The following OPCML variants were observed in gnomAD, a reference collection of about 807,000 sequenced individuals.
OPCML encodes opioid binding protein/cell adhesion molecule like, also known as opioid-binding protein/cell adhesion molecule.
In OPCML, 13 loss-of-function variants were observed where a neutral mutation model predicts 37.8. The observed-to-expected ratio is 0.34, with a 90% CI of 0.22 to 0.55. The LOEUF (loss-of-function observed/expected upper bound fraction) is 0.55. OPCML is among the 20% of genes least tolerant of loss of function. The pLI, the probability that OPCML is intolerant of heterozygous loss-of-function variation, is 0.91. For missense variants in OPCML, 341 were observed against 435.6 expected (o/e 0.78, Z 1.93); for synonymous variants, 176 against 168.8 (o/e 1.04, Z -0.33).
At chr11:133,530,876 G>A (rs1178878643) in intron 1 of OPCML, among the ~76,000 whole-genome samples, 1 of 152,028 alleles carries the variant, frequency 6.6e-6, no homozygotes, top group African/African-American at 2.4e-5. Context: ...GGCATCTTAG[G>A]ACTACTCAGG....
At chr11:133,387,877 G>A (rs10082587) in intron 1 of OPCML, among the ~76,000 whole-genome samples, 42,539 of 152,108 alleles carry the variant, frequency 0.28, 7,571 homozygotes, top group East Asian at 0.59. Flanking sequence ...AGGTTACTTC[G>A]GCAGAGAACT....
At chr11:133,133,774 G>A (rs548924919) in intron 1 of OPCML, among the ~76,000 whole-genome samples, 2 of 152,094 alleles carry the variant, frequency 1.3e-5, no homozygotes, top group South Asian at 2.1e-4. Context: ...TCCCATCCAC[G>A]AGTTGCCTGT....
At chr11:132,796,774 T>G (rs7129855) in intron 2 of OPCML, among the ~76,000 whole-genome samples, 56,794 of 151,636 alleles carry the variant, frequency 0.37, 10,755 homozygotes, top group Middle Eastern at 0.42. Flanking sequence ...GAGACGGGGT[T>G]TCACTGTATT....
intron 1 of OPCML, among the ~76,000 whole-genome samples, chr11:133,426,348 A>C (rs550640146): frequency 6.6e-6 from 1 of 152,266 alleles, no homozygotes; most frequent in African/African-American, 2.4e-5. Context: ...TTCTACAAAA[A>C]TGTTTATTGA....
At chr11:133,511,160 A>T (rs561684370) in intron 1 of OPCML, among the ~76,000 whole-genome samples, 1 of 152,304 alleles carries the variant, frequency 6.6e-6, no homozygotes, top group South Asian at 2.1e-4. Flanking sequence ...CTTCAGCTAC[A>T]GCCATAATCT....
chr11:132,776,410 T>A (rs1468718180), intron 2 of OPCML, among the ~76,000 whole-genome samples: 1 of 152,206 alleles, frequency 6.6e-6, no homozygotes, highest in African/African-American at 2.4e-5. Context: ...AAGTCTCACC[T>A]TGAAATGTGA....
At chr11:133,461,477 C>T (rs1395112495) in intron 1 of OPCML, among the ~76,000 whole-genome samples, 1 of 151,820 alleles carries the variant, frequency 6.6e-6, no homozygotes, top group Non-Finnish European at 1.5e-5. Context: ...AATTAAAGAA[C>T]AATTCCACTT....
At chr11:132,444,268 C>G (rs1190577104) in intron 4 of OPCML, among the ~76,000 whole-genome samples, 2 of 152,320 alleles carry the variant, frequency 1.3e-5, no homozygotes, top group African/African-American at 2.4e-5. Flanking sequence ...AAAGAGTGGA[C>G]AGGGTGGAGG....
intron 2 of OPCML, among the ~76,000 whole-genome samples, chr11:132,793,888 C>T (rs538896767): frequency 1.3e-5 from 2 of 152,312 alleles, no homozygotes; most frequent in South Asian, 4.1e-4. Flanking sequence ...ACCTATGCAG[C>T]GTCCAGGTGG....
At chr11:133,232,966 C>G (rs924983105) in intron 1 of OPCML, among the ~76,000 whole-genome samples, 1 of 152,172 alleles carries the variant, frequency 6.6e-6, no homozygotes, top group Non-Finnish European at 1.5e-5. Context: ...TGCTGTTTGA[C>G]TCCAGCTAAA....
intron 1 of OPCML, among the ~76,000 whole-genome samples, chr11:133,284,550 G>C (rs1045447992): frequency 2.6e-5 from 4 of 152,208 alleles, no homozygotes; most frequent in Non-Finnish European, 5.9e-5. Context: ...CAACAAATGG[G>C]AAGGGAGTCG....
chr11:133,253,903 C>G (rs1941232893), intron 1 of OPCML, among the ~76,000 whole-genome samples: 2 of 142,236 alleles, frequency 1.4e-5, no homozygotes, highest in Non-Finnish European at 3.0e-5. Context: ...CTCCCTCACT[C>G]CCTCCCTTCC....
intron 1 of OPCML, among the ~76,000 whole-genome samples, chr11:133,425,860 A>G (rs1399133984): frequency 6.6e-6 from 1 of 152,166 alleles, no homozygotes; most frequent in African/African-American, 2.4e-5. Flanking sequence ...TTCACATTGC[A>G]TTTTACTTCT....
intron 2 of OPCML, among the ~76,000 whole-genome samples, chr11:132,834,908 T>C (rs761138429): frequency 2.0e-5 from 3 of 151,468 alleles, no homozygotes; most frequent in Non-Finnish European, 4.4e-5. Context: ...GGGTTGTAAA[T>C]ATGCTACTGT....
intron 2 of OPCML, among the ~76,000 whole-genome samples, chr11:132,686,713 G>A (rs1254956305): frequency 6.6e-6 from 1 of 152,146 alleles, no homozygotes; most frequent in Non-Finnish European, 1.5e-5. Context: ...ATTGACCCTA[G>A]GTTTCTAGGA....
At chr11:132,973,685 C>T (rs537162598) in intron 1 of OPCML, among the ~76,000 whole-genome samples, 5 of 152,302 alleles carry the variant, frequency 3.3e-5, no homozygotes, top group African/African-American at 1.2e-4. Context: ...AAGGCAAAGA[C>T]CCTTCAGCCT....
intron 1 of OPCML, among the ~76,000 whole-genome samples, chr11:133,062,726 C>T (rs543021374): frequency 6.6e-6 from 1 of 152,362 alleles, no homozygotes; most frequent in East Asian, 1.9e-4. Context: ...AGTTCAGCTT[C>T]CATCTCCTGT....
At chr11:133,366,856 C>T (rs1346606014) in intron 1 of OPCML, among the ~76,000 whole-genome samples, 3 of 152,184 alleles carry the variant, frequency 2.0e-5, no homozygotes, top group African/African-American at 4.8e-5. Flanking sequence ...ACTTTGATGC[C>T]TAACACTCAG....
intron 7 of OPCML, among the ~76,000 whole-genome samples, chr11:132,433,104 G>T (rs189880751): frequency 6.6e-6 from 1 of 152,128 alleles, no homozygotes; most frequent in Admixed American, 6.5e-5. Flanking sequence ...TATAGGGACC[G>T]TGAATGCTGG....
Sources: gnomAD v4.1 joint callset for allele counts (sites outside exome capture counted in the v4.1 genomes callset) on GRCh38, gnomAD v4.1.1 for gene constraint, MANE v1.5 for transcripts, NCBI Gene and HGNC (gene_info 2026-07-23, HGNC 2026-07-21) for gene names.